The following MITF variants were observed in gnomAD, a reference collection of about 807,000 sequenced individuals.
The protein encoded by MITF is melanocyte inducing transcription factor.
Under a neutral mutation model 60.5 loss-of-function variants are expected in MITF, and 17 were observed. That is an observed-to-expected ratio of 0.28 (90% confidence interval 0.19 to 0.42). MITF has a LOEUF of 0.42. MITF is among the 10% of genes least tolerant of loss of function. The pLI is 1.00. For synonymous variants in MITF, 260 were observed against 248.5 expected (o/e 1.05, Z -0.43); for missense variants, 622 against 683.5 (o/e 0.91, Z 1.00).
intron 1 of MITF, among the ~76,000 whole-genome samples, chr3:69,842,384 TACA>T (rs1481707919): frequency 6.6e-6 from 1 of 152,210 alleles, no homozygotes; most frequent in African/African-American, 2.4e-5. Context: ...GATACATTAA[TACA>T]ACAACAAACT....
At chr3:69,905,852 T>C (rs1407270843) in intron 2 of MITF, among the ~76,000 whole-genome samples, 2 of 152,136 alleles carry the variant, frequency 1.3e-5, no homozygotes, top group Non-Finnish European at 1.5e-5. Context: ...GCTGTTTGTC[T>C]GTGTTTTGAG....
rs537956707 is a variant in MITF at position 69,780,383 on chromosome 3, G to A, written c.104+40682G>A. ...ATATAAAATTACAAAGAAGATGCAT[G>A]CCAATGAGCAGTCATCTGTGAGCTA... On this transcript the variant is annotated intron_variant, in intron 1 of 9. Transcript: ENST00000352241. 2.0e-5 allele frequency among the ~76,000 whole-genome samples: 3 copies of A among 152,284 alleles called. No individual in the cohort carries two copies. The South Asian group carries it at 6.2e-4, about 32-fold the overall frequency.
At chr3:69,829,105 T>A (rs564193796) in intron 1 of MITF, among the ~76,000 whole-genome samples, 26 of 152,340 alleles carry the variant, frequency 1.7e-4, no homozygotes, top group Non-Finnish European at 1.5e-5. Context: ...AAGAGTAGCT[T>A]TAGGTCTGTT....
rs185644024 is a variant in MITF, at chr3:69,854,988, T to C, written c.105-24146T>C. On this transcript the variant is annotated intron_variant, in intron 1 of 9. Coordinates refer to ENST00000352241, the MANE Select transcript of MITF (RefSeq NM_001354604.2). The stretch of plus-strand genomic sequence containing the variant: ...CCTGCTGCCCCATCCCAGCCCTAGG[T>C]TGGTGACTGTGAACAGTGGTATTTT... 2.3e-3 allele frequency among the ~76,000 whole-genome samples: 352 copies of C among 152,204 alleles called. 2 individuals are homozygous for C. Among genetic ancestry groups the C allele is most frequent in the South Asian group, 7.3e-3 (35 of 4,824 alleles).
At chr3:69,843,763 CT>C (rs2063681107) in intron 1 of MITF, among the ~76,000 whole-genome samples, 1 of 152,064 alleles carries the variant, frequency 6.6e-6, no homozygotes, top group Non-Finnish European at 1.5e-5. Flanking sequence ...GTTTGTTGTA[CT>C]TTAAGTTCTG....
intron 1 of MITF, among the ~76,000 whole-genome samples, chr3:69,755,594 CTG>C (rs759209773): frequency 2.0e-5 from 3 of 151,586 alleles, no homozygotes; most frequent in Non-Finnish European, 2.9e-5. Flanking sequence ...CTCCCGAAAA[CTG>C]TGGCTTAACT....
At chr3:69,848,688 T>C (rs2063772084) in intron 1 of MITF, among the ~76,000 whole-genome samples, 1 of 152,200 alleles carries the variant, frequency 6.6e-6, no homozygotes, top group Non-Finnish European at 1.5e-5. Context: ...CAGATGCTTG[T>C]TGTGAACATG....
intron 1 of MITF, among the ~76,000 whole-genome samples, chr3:69,802,355 A>G (rs577878865): frequency 3.9e-5 from 6 of 152,316 alleles, no homozygotes; most frequent in African/African-American, 1.4e-4. Context: ...TGCCAGATCA[A>G]GGAGCAGAAT....
chr3:69,850,081 A>G (rs373705038), intron 1 of MITF, among the ~76,000 whole-genome samples: 2 of 152,222 alleles, frequency 1.3e-5, no homozygotes, highest in East Asian at 3.8e-4. Context: ...GTATTTGACC[A>G]AAAAGATCAA....
Position 69,879,399 on chromosome 3 carries a change from T to A in MITF, c.354+16T>A, listed in dbSNP as rs2107279116. 2 of 1,614,196 alleles carry A rather than the reference T, an allele frequency of 1.2e-6. No homozygotes were observed. The highest frequency in any genetic ancestry group is 1.7e-6 in the Non-Finnish European group (2 of 1,180,030). ...AGTCCTTAAGGTACGTGAGTGTTGCTCTTGTTGGTTGGACCAAACTCTCTT... is the reference window on the plus strand; with the variant it reads ...AGTCCTTAAGGTACGTGAGTGTTGCACTTGTTGGTTGGACCAAACTCTCTT... On this transcript the variant is annotated intron_variant, in intron 2 of 9. Transcript: ENST00000352241.
intron 1 of MITF, among the ~76,000 whole-genome samples, chr3:69,770,455 A>G (rs954119423): frequency 5.3e-5 from 8 of 152,116 alleles, no homozygotes; most frequent in Non-Finnish European, 8.8e-5. Flanking sequence ...AAACACTTCA[A>G]TGGTTAGGTT....
intron 2 of MITF, among the ~76,000 whole-genome samples, chr3:69,896,060 G>T (rs918789716): frequency 6.6e-6 from 1 of 151,540 alleles, no homozygotes; most frequent in Admixed American, 6.6e-5. Context: ...TGATAAACTT[G>T]GGCAAGTGAC....
At chr3:69,775,484 G>A (rs1473173752) in intron 1 of MITF, among the ~76,000 whole-genome samples, 2 of 152,098 alleles carry the variant, frequency 1.3e-5, no homozygotes, top group Admixed American at 6.6e-5. Flanking sequence ...TTTTATTAAG[G>A]GTTGTCTCTG....
intron 1 of MITF, among the ~76,000 whole-genome samples, chr3:69,806,665 A>G (rs1336551681): frequency 6.6e-6 from 1 of 152,184 alleles, no homozygotes; most frequent in South Asian, 2.1e-4. Context: ...GTTTGCAGCA[A>G]TTTATGAGGA....
chr3:69,879,368 G>T lies in MITF; in HGVS notation c.339G>T (p.Pro113=). The T allele has an allele frequency of 6.2e-7, 1 of 1,614,162 alleles. No homozygotes were observed. The highest frequency in any genetic ancestry group is 8.5e-7 in the Non-Finnish European group (1 of 1,180,032). Residue 113 remains proline, a synonymous_variant, in exon 2 of 10, where the codon CCG becomes CCT. Coordinates refer to ENST00000352241, the MANE Select transcript of MITF (RefSeq NM_001354604.2). ...CCCTTCCCTCTGCCACGCAGGTGCC[G>T]ATGGAAGTCCTTAAGGTACGTGAGT... ...PTTLPSATQV[P]MEVLKVQTHL...
intron 1 of MITF, among the ~76,000 whole-genome samples, chr3:69,768,387 A>G (rs1489084351): frequency 2.0e-5 from 3 of 152,218 alleles, no homozygotes; most frequent in South Asian, 2.1e-4. Flanking sequence ...TCTTCACTCC[A>G]TAGATTGACA....
intron 1 of MITF, among the ~76,000 whole-genome samples, chr3:69,781,560 T>G (rs994297274): frequency 3.3e-5 from 5 of 152,168 alleles, no homozygotes; most frequent in Non-Finnish European, 7.3e-5. Flanking sequence ...CATCCCTGCT[T>G]AGATTTTTGA....
At chr3:69,936,944 ATTC>A in intron 2 of MITF, 3 of 374,190 alleles carry the variant, frequency 8.0e-6, no homozygotes, top group South Asian at 4.5e-5. Context: ...TATTAGTAGG[ATTC>A]TTTTTTTTTT....
In MITF at chr3:69,866,298, C is replaced by T. The variant is rs779387274; in HGVS notation, c.105-12836C>T. 1.7e-5 allele frequency: 28 copies of T among 1,613,676 alleles called. No homozygotes were observed. The highest frequency in any genetic ancestry group is 6.7e-5 in the Admixed American group (4 of 59,952). ...CACCTTAAAGGAAAAAAGATGGAGG[C>T]GCTTAGAGTTCAGATGTTCATGCCA... On this transcript the variant is annotated intron_variant, in intron 1 of 9. Transcript: ENST00000352241.
Sources: allele counts gnomAD v4.1 joint callset (sites outside exome capture counted in the v4.1 genomes callset), GRCh38; gene constraint gnomAD v4.1.1; transcripts MANE v1.5; gene names NCBI Gene and HGNC (gene_info 2026-07-23, HGNC 2026-07-21).